Variants in DYRK1A observed in about 807,000 individuals in gnomAD.
DYRK1A encodes the protein dual specificity tyrosine phosphorylation regulated kinase 1A.
In DYRK1A, 9 loss-of-function variants were observed where a neutral mutation model predicts 79.7. That is an observed-to-expected ratio of 0.11 (90% CI 0.07 to 0.20). The LOEUF (loss-of-function observed/expected upper bound fraction) is 0.20. Ranked by LOEUF, DYRK1A falls within the 10% of genes least tolerant of loss-of-function variation. The probability of loss-of-function intolerance (pLI) is 1.00; values close to 1 mark genes in which losing one functional copy is unlikely to be tolerated. For missense variants in DYRK1A, 622 were observed against 956.0 expected (o/e 0.65, Z 4.61); for synonymous variants, 349 against 329.7 (o/e 1.06, Z -0.63).
intron 2 of DYRK1A, among the ~76,000 whole-genome samples, chr21:37,430,962 T>G (rs970564807): frequency 1.3e-5 from 2 of 152,200 alleles, no homozygotes; most frequent in Admixed American, 6.5e-5. Context: ...CAGAATGGCA[T>G]CTGCCACTTC....
chr21:37,407,354 G>A (rs148469646), intron 1 of DYRK1A, among the ~76,000 whole-genome samples: 10 of 152,262 alleles, frequency 6.6e-5, no homozygotes, highest in African/African-American at 2.4e-4. Flanking sequence ...GAGTTCAGGT[G>A]TGGAGTTTTT....
At chr21:37,460,628 C>T (rs2051809632) in intron 2 of DYRK1A, among the ~76,000 whole-genome samples, 1 of 152,118 alleles carries the variant, frequency 6.6e-6, no homozygotes, top group Non-Finnish European at 1.5e-5. Context: ...TACGCTCATT[C>T]CTAGATTTAA....
chr21:37,482,313 C>T (rs181175261), intron 5 of DYRK1A, among the ~76,000 whole-genome samples: 18 of 152,034 alleles, frequency 1.2e-4, no homozygotes, highest in South Asian at 8.3e-4. Flanking sequence ...AAGCGTCGGC[C>T]GGTTTGAGAA....
chr21:37,416,578 GA>G lies in DYRK1A; in HGVS notation c.-76-3716del, dbSNP rs529049012. ...AAATTATTTCTAAAATTGCTATATG[GA>G]AAAAGTACTTTCTTCTGTCACTTCT... is the stretch of plus-strand genomic sequence containing the variant. On this transcript the variant is annotated intron_variant, in intron 1 of 11. Coordinates refer to ENST00000647188, the MANE Select transcript of DYRK1A (RefSeq NM_001347721.2). Among the ~76,000 whole-genome samples, 34 of 151,962 alleles carry G rather than the reference GA, an allele frequency of 2.2e-4. No individual in the cohort carries two copies. The East Asian group carries it at 6.2e-3, about 28-fold the overall frequency.
At chr21:37,390,507 C>T (rs1179562626) in intron 1 of DYRK1A, among the ~76,000 whole-genome samples, 2 of 152,302 alleles carry the variant, frequency 1.3e-5, no homozygotes, top group East Asian at 3.9e-4. Flanking sequence ...CAGTTGCCCC[C>T]ATAGTGTAGT....
intron 2 of DYRK1A, among the ~76,000 whole-genome samples, chr21:37,442,835 G>C (rs1450624094): frequency 6.6e-6 from 1 of 152,066 alleles, no homozygotes; most frequent in Non-Finnish European, 1.5e-5. Context: ...TATAGTACCT[G>C]TTTCTGTTTT....
chr21:37,512,493 G>A lies in DYRK1A; in HGVS notation c.2227G>A (p.Gly743Arg). The part of the protein sequence containing the change: ...GADREESPMT[G>R]VCVQQSPVAS... ...TGATAGAGAAGAGTCCCCCATGACAGGAGTTTGTGTGCAACAGAGTCCTGT... is the reference window on the plus strand; with the variant it reads ...TGATAGAGAAGAGTCCCCCATGACAAGAGTTTGTGTGCAACAGAGTCCTGT... Residue 743 changes from glycine (G) to arginine (R), a missense_variant, in exon 12 of 12, where the codon GGA becomes AGA. Gly to Arg is a moderately radical substitution (Grantham distance 125, BLOSUM62 -2). Coordinates refer to ENST00000647188, the MANE Select transcript of DYRK1A (RefSeq NM_001347721.2). The A allele has an allele frequency of 6.2e-7, 1 of 1,614,186 alleles. No homozygotes were observed. Among genetic ancestry groups the A allele is most frequent in the Non-Finnish European group, 8.5e-7 (1 of 1,180,020 alleles).
intron 5 of DYRK1A, among the ~76,000 whole-genome samples, chr21:37,485,405 GATTAGTGCA>G (rs898328379): frequency 7.0e-4 from 106 of 152,284 alleles, no homozygotes; most frequent in African/African-American, 2.2e-3. Context: ...TGAAACCAGA[GATTAGTGCA>G]TTTTTTATTC....
At chr21:37,479,606 GTTTTTGTTTTTTGTTTTT>G (rs2052540321) in intron 4 of DYRK1A, among the ~76,000 whole-genome samples, 1 of 27,590 alleles carries the variant, frequency 3.6e-5, no homozygotes, top group African/African-American at 1.5e-4. Context: ...TTTTGTTTTT[GTTTTTGTTTTTTGTTTTT>G]TTTTTTTTTT....
intron 1 of DYRK1A, among the ~76,000 whole-genome samples, chr21:37,380,431 G>C (rs1282751272): frequency 1.3e-5 from 2 of 151,290 alleles, no homozygotes; most frequent in African/African-American, 4.9e-5. Context: ...TTGTGGTTCT[G>C]TAGTACAATT....
intron 2 of DYRK1A, among the ~76,000 whole-genome samples, chr21:37,438,299 C>A (rs967419540): frequency 6.6e-6 from 1 of 152,010 alleles, no homozygotes; most frequent in African/African-American, 2.4e-5. Context: ...TCTTGAAGAT[C>A]TGATGTTTTC....
At chr21:37,444,628 G>GA (rs1569327547) in intron 2 of DYRK1A, among the ~76,000 whole-genome samples, 172 of 152,308 alleles carry the variant, frequency 1.1e-3, no homozygotes, top group African/African-American at 4.1e-3. Flanking sequence ...GATTAGTCAT[G>GA]GGTGAGGATG....
At chr21:37,478,918 T>C (rs1348562993) in intron 4 of DYRK1A, among the ~76,000 whole-genome samples, 3 of 152,232 alleles carry the variant, frequency 2.0e-5, no homozygotes, top group Non-Finnish European at 2.9e-5. Flanking sequence ...GTACTTGGTG[T>C]TTTGCCACCG....
chr21:37,425,263 A>T (rs1246293794), intron 2 of DYRK1A, among the ~76,000 whole-genome samples: 1 of 152,208 alleles, frequency 6.6e-6, no homozygotes, highest in Non-Finnish European at 1.5e-5. Flanking sequence ...AGCAAATGCA[A>T]AAAGAATAAT....
intron 2 of DYRK1A, among the ~76,000 whole-genome samples, chr21:37,449,747 T>A (rs1008776898): frequency 3.3e-5 from 5 of 152,204 alleles, no homozygotes; most frequent in Admixed American, 2.6e-4. Flanking sequence ...TCCCATGTTT[T>A]TGCAATTACT....
At position 37,525,050 on chromosome 21, in the gene DYRK1A, G is replaced by C. The variant is rs1294743196; in HGVS notation, c.*12519G>C. ...GGAGGTGGAGGTTGCAGTGAGCTGA[G>C]ATTGCACCACTGTACTCCAGCCTGG... On this transcript the variant is annotated 3_prime_UTR_variant, in exon 12 of 12. Transcript: ENST00000647188. The C allele has an allele frequency of 6.6e-6, 1 of 152,340 alleles. No individual in the cohort carries two copies. The highest frequency in any genetic ancestry group is 2.4e-5 in the African/African-American group (1 of 41,468). 9.4% of individuals were successfully genotyped at this position (152,340 alleles called of 1,614,324 possible).
chr21:37,485,730 T>C (rs900374592), intron 5 of DYRK1A, among the ~76,000 whole-genome samples: 7 of 141,860 alleles, frequency 4.9e-5, no homozygotes, highest in Non-Finnish European at 9.4e-5. Flanking sequence ...GATTTTGTAA[T>C]GTTTATGTAA....
intron 2 of DYRK1A, among the ~76,000 whole-genome samples, chr21:37,460,564 T>C (rs1187991717): frequency 6.6e-6 from 1 of 152,228 alleles, no homozygotes; most frequent in South Asian, 2.1e-4. Flanking sequence ...CTCCAGACTT[T>C]GTCTTGAGAC....
chr21:37,495,714 G>GGGA, intron 8 of DYRK1A, among the ~76,000 whole-genome samples: 1 of 152,180 alleles, frequency 6.6e-6, no homozygotes, highest in East Asian at 1.9e-4. Context: ...ACTTGAGCCT[G>GGGA]GGAGGAGGTC....
Sources: gnomAD v4.1 joint callset for allele counts (sites outside exome capture counted in the v4.1 genomes callset) on GRCh38, gnomAD v4.1.1 for gene constraint, MANE v1.5 for transcripts, NCBI Gene and HGNC (gene_info 2026-07-23, HGNC 2026-07-21) for gene names.